The following HS3ST5 variants were observed in gnomAD, a reference collection of about 807,000 sequenced individuals.
The protein encoded by HS3ST5 is heparan sulfate glucosamine 3-O-sulfotransferase 5.
Under a neutral mutation model 25.4 loss-of-function variants are expected in HS3ST5, and 10 were observed. The ratio of observed to expected loss-of-function variants is 0.39; its 90% CI spans 0.24 to 0.67. The LOEUF (loss-of-function observed/expected upper bound fraction) is 0.67. HS3ST5 is among the 30% of genes least tolerant of loss of function. The probability of loss-of-function intolerance (pLI) is 0.44; values close to 1 mark genes in which losing one functional copy is unlikely to be tolerated. For missense variants in HS3ST5, 324 were observed against 420.7 expected (o/e 0.77, Z 2.01); for synonymous variants, 170 against 162.4 (o/e 1.05, Z -0.36).
At chr6:114,299,658 A>G (rs2077074483) in intron 1 of HS3ST5, among the ~76,000 whole-genome samples, 1 of 152,086 alleles carries the variant, frequency 6.6e-6, no homozygotes, top group Non-Finnish European at 1.5e-5. Flanking sequence ...CTACGTGACT[A>G]TTGGGGGCAG....
intron 4 of HS3ST5, among the ~76,000 whole-genome samples, chr6:114,062,525 A>G (rs1773191122): frequency 6.6e-6 from 1 of 152,196 alleles, no homozygotes; most frequent in African/African-American, 2.4e-5. Flanking sequence ...TGCACACGGA[A>G]TACAAATGGA....
At chr6:114,308,519 G>A (rs111839297) in intron 1 of HS3ST5, among the ~76,000 whole-genome samples, 34 of 151,414 alleles carry the variant, frequency 2.2e-4, no homozygotes, top group African/African-American at 7.8e-4. Flanking sequence ...CCCAGGAGGC[G>A]GAGCTTGCAG....
intron 1 of HS3ST5, among the ~76,000 whole-genome samples, chr6:114,253,543 G>A (rs1406538846): frequency 2.0e-5 from 3 of 152,158 alleles, no homozygotes; most frequent in Non-Finnish European, 4.4e-5. Flanking sequence ...GTTTTAATAT[G>A]GCCCAACACT....
chr6:114,097,374 T>C (rs1185908998), intron 3 of HS3ST5, among the ~76,000 whole-genome samples: 1 of 151,966 alleles, frequency 6.6e-6, no homozygotes, highest in Non-Finnish European at 1.5e-5. Context: ...ATATGCAAAA[T>C]GCAAAACTTG....
At chr6:114,181,909 C>T (rs200278950) in intron 2 of HS3ST5, among the ~76,000 whole-genome samples, 5 of 147,476 alleles carry the variant, frequency 3.4e-5, no homozygotes, top group East Asian at 4.3e-4. Flanking sequence ...TGTGTGTACG[C>T]ACGCACACAC....
intron 3 of HS3ST5, among the ~76,000 whole-genome samples, chr6:114,133,721 G>A (rs1777459842): frequency 6.6e-6 from 1 of 152,214 alleles, no homozygotes; most frequent in Non-Finnish European, 1.5e-5. Context: ...AGAGCTACAT[G>A]CACAGATAGA....
chr6:114,280,356 C>T (rs1351023715), intron 1 of HS3ST5, among the ~76,000 whole-genome samples: 1 of 151,828 alleles, frequency 6.6e-6, no homozygotes, highest in Non-Finnish European at 1.5e-5. Context: ...GTGAGCTGAG[C>T]CTGAAAGGAG....
At chr6:114,250,631 A>G (rs1384071398) in intron 1 of HS3ST5, among the ~76,000 whole-genome samples, 1 of 152,176 alleles carries the variant, frequency 6.6e-6, no homozygotes, top group African/African-American at 2.4e-5. Flanking sequence ...CACCAAGTAT[A>G]TGACCATAAC....
At chr6:114,139,461 A>G (rs1777796178) in intron 3 of HS3ST5, among the ~76,000 whole-genome samples, 1 of 152,124 alleles carries the variant, frequency 6.6e-6, no homozygotes, top group African/African-American at 2.4e-5. Context: ...CGGGTAATTC[A>G]GCATGAGTAG....
intron 3 of HS3ST5, among the ~76,000 whole-genome samples, chr6:114,144,259 A>G: frequency 6.6e-6 from 1 of 152,200 alleles, no homozygotes; most frequent in East Asian, 1.9e-4. Flanking sequence ...AGCATGCAGC[A>G]TTCCCAAACA....
At chr6:114,187,116 G>C (rs1424167891) in intron 2 of HS3ST5, among the ~76,000 whole-genome samples, 1 of 152,178 alleles carries the variant, frequency 6.6e-6, no homozygotes, top group Non-Finnish European at 1.5e-5. Context: ...GATATACAAG[G>C]AGGTTAATCT....
intron 2 of HS3ST5, among the ~76,000 whole-genome samples, chr6:114,209,701 A>G (rs1489338666): frequency 6.6e-6 from 1 of 152,196 alleles, no homozygotes; most frequent in African/African-American, 2.4e-5. Flanking sequence ...TAAATAGCCC[A>G]TATCAGTTAA....
At chr6:114,257,742 TC>T (rs1301932149) in intron 1 of HS3ST5, among the ~76,000 whole-genome samples, 1 of 152,096 alleles carries the variant, frequency 6.6e-6, no homozygotes, top group Non-Finnish European at 1.5e-5. Flanking sequence ...TTCTTGTTGT[TC>T]TTTTTTTTTA....
rs1444881582 is a variant in HS3ST5 at position 114,253,298 on chromosome 6, G to A, written c.-338-24520C>T. Among the ~76,000 whole-genome samples, 5 of 152,094 alleles carry A rather than the reference G, an allele frequency of 3.3e-5. No individual in the cohort carries two copies. The South Asian group carries it at 6.2e-4, about 19-fold the overall frequency. On this transcript the variant is annotated intron_variant, in intron 1 of 4. Transcript: ENST00000312719. ...TAAAAATATTAATAAGATATTTTGC[G>A]TATTTGGATAGTAAGTCTTCAAAAT...
intron 2 of HS3ST5, among the ~76,000 whole-genome samples, chr6:114,175,620 C>T (rs1014526079): frequency 2.6e-5 from 4 of 151,946 alleles, no homozygotes; most frequent in Admixed American, 6.6e-5. Context: ...GGGGAGGGCA[C>T]GTGAGGGAGG....
chr6:114,275,060 G>A (rs552187841), intron 1 of HS3ST5, among the ~76,000 whole-genome samples: 1 of 151,900 alleles, frequency 6.6e-6, no homozygotes, highest in South Asian at 2.1e-4. Flanking sequence ...TGGGATTAGA[G>A]GCCTTCCCTG....
At chr6:114,311,074 A>G (rs1316229279) in intron 1 of HS3ST5, among the ~76,000 whole-genome samples, 2 of 152,240 alleles carry the variant, frequency 1.3e-5, no homozygotes, top group Non-Finnish European at 2.9e-5. Context: ...CAATCAGATA[A>G]GAATGCAAAA....
chr6:114,089,645 G>A (rs1235075900), intron 3 of HS3ST5, among the ~76,000 whole-genome samples: 1 of 152,224 alleles, frequency 6.6e-6, no homozygotes, highest in Non-Finnish European at 1.5e-5. Flanking sequence ...GCTAAGAAAT[G>A]TTGGAGCTGT....
chr6:114,111,481 C>A (rs916907403), intron 3 of HS3ST5, among the ~76,000 whole-genome samples: 1 of 152,164 alleles, frequency 6.6e-6, no homozygotes, highest in African/African-American at 2.4e-5. Flanking sequence ...GTCCTATCTT[C>A]CTCACACAGA....
Sources: gnomAD v4.1 joint callset for allele counts (sites outside exome capture counted in the v4.1 genomes callset) on GRCh38, gnomAD v4.1.1 for gene constraint, MANE v1.5 for transcripts, NCBI Gene and HGNC (gene_info 2026-07-23, HGNC 2026-07-21) for gene names.